TMCO5A: variants seen among roughly 807,000 people sequenced by gnomAD.
TMCO5A encodes transmembrane and coiled-coil domain-containing protein 5A.
TMCO5A carries 34 observed loss-of-function variants against 42.3 expected under a neutral mutation model. The ratio of observed to expected loss-of-function variants is 0.80; its 90% CI spans 0.61 to 1.07. The LOEUF (loss-of-function observed/expected upper bound fraction) is 1.07, where lower values mean the gene tolerates loss of function less well. Among genes scored for constraint, TMCO5A ranks in the 50% least tolerant of loss-of-function variants. The pLI, the probability that TMCO5A is intolerant of heterozygous loss-of-function variation, is 0.00. For missense variants in TMCO5A, 357 were observed against 327.9 expected (o/e 1.09, Z -0.69); for synonymous variants, 131 against 115.6 (o/e 1.13, Z -0.86).
chr15:38,032,646 G>A, the TMCO5A span, among the ~76,000 whole-genome samples: 1 of 152,090 alleles, frequency 6.6e-6, no homozygotes, highest in Non-Finnish European at 1.5e-5. Flanking sequence ...TGTCCCAGTG[G>A]GTAGCCAGGC....
chr15:38,038,835 G>A, the TMCO5A span, among the ~76,000 whole-genome samples: 1 of 152,164 alleles, frequency 6.6e-6, no homozygotes, highest in East Asian at 1.9e-4. Flanking sequence ...AGGTGAGTCT[G>A]GTAATAGTTA....
At chr15:37,967,327 A>C (rs1890580526) in exon 12 of TMCO5A, 1 of 152,182 alleles carries the variant, frequency 6.6e-6, no homozygotes, top group African/African-American at 2.4e-5. Context: ...TTAGGTCTAA[A>C]AGTGTCTCAA....
the TMCO5A span, among the ~76,000 whole-genome samples, chr15:38,017,488 G>C: frequency 2.0e-5 from 3 of 152,146 alleles, no homozygotes; most frequent in African/African-American, 7.2e-5. Flanking sequence ...AGAAATGGCT[G>C]TGCCTTGTTC....
chr15:37,972,848 T>C, the TMCO5A span, among the ~76,000 whole-genome samples: 1 of 152,222 alleles, frequency 6.6e-6, no homozygotes, highest in East Asian at 1.9e-4. Flanking sequence ...CATGAAATCT[T>C]TGTGAGGACG....
the TMCO5A span, among the ~76,000 whole-genome samples, chr15:38,014,319 C>T: frequency 6.6e-6 from 1 of 152,044 alleles, no homozygotes; most frequent in Non-Finnish European, 1.5e-5. Flanking sequence ...AAAAGAATTT[C>T]AAAACCTCCC....
intron 11 of TMCO5A, among the ~76,000 whole-genome samples, chr15:37,950,732 A>C (rs1890127330): frequency 1.3e-5 from 2 of 152,188 alleles, no homozygotes. Context: ...TTATAAGCCA[A>C]TGAAACTGTT....
At chr15:38,000,267 A>G in the TMCO5A span, among the ~76,000 whole-genome samples, 1 of 152,098 alleles carries the variant, frequency 6.6e-6, no homozygotes, top group Admixed American at 6.5e-5. Context: ...TTTGTCTAAG[A>G]ATTTAACCAT....
At chr15:37,954,228 C>T (rs573012852), downstream of TMCO5A, among the ~76,000 whole-genome samples, 3 of 151,876 alleles carry the variant, frequency 2.0e-5, no homozygotes, top group East Asian at 1.9e-4. Context: ...AGATTTAACC[C>T]GAAGAAGACT....
chr15:37,976,991 C>T, the TMCO5A span, among the ~76,000 whole-genome samples: 1 of 151,956 alleles, frequency 6.6e-6, no homozygotes, highest in African/African-American at 2.4e-5. Context: ...AGGCTGGTCT[C>T]AAACTCCTAT....
the TMCO5A span, among the ~76,000 whole-genome samples, chr15:37,995,848 A>C: frequency 6.6e-6 from 1 of 151,878 alleles, no homozygotes; most frequent in Non-Finnish European, 1.5e-5. Flanking sequence ...TCCCCTCCAA[A>C]AAAAAAACAA....
the TMCO5A span, among the ~76,000 whole-genome samples, chr15:38,024,256 G>A: frequency 1.3e-5 from 2 of 152,178 alleles, no homozygotes; most frequent in African/African-American, 2.4e-5. Flanking sequence ...TGGTGCTGTC[G>A]TACCTGTTCT....
At chr15:38,039,535 C>T in the TMCO5A span, among the ~76,000 whole-genome samples, 1 of 152,148 alleles carries the variant, frequency 6.6e-6, no homozygotes, top group South Asian at 2.1e-4. Context: ...CTATATGAGT[C>T]AAGCAGACAG....
the TMCO5A span, among the ~76,000 whole-genome samples, chr15:38,024,078 T>C: frequency 6.6e-6 from 1 of 152,216 alleles, no homozygotes; most frequent in African/African-American, 2.4e-5. Context: ...CACATCCTAA[T>C]GTACAGCTTT....
chr15:38,033,186 C>T, the TMCO5A span, among the ~76,000 whole-genome samples: 1 of 151,996 alleles, frequency 6.6e-6, no homozygotes, highest in African/African-American at 2.4e-5. Context: ...CCTCGGCCTC[C>T]GAAATTTGGT....
chr15:37,966,275 A>G (rs1250135368), intron 11 of TMCO5A, among the ~76,000 whole-genome samples: 1 of 151,694 alleles, frequency 6.6e-6, no homozygotes, highest in African/African-American at 2.4e-5. Context: ...GGGAGGTGAG[A>G]ATGCTTAGTG....
chr15:38,033,625 T>C, the TMCO5A span, among the ~76,000 whole-genome samples: 21 of 150,464 alleles, frequency 1.4e-4, no homozygotes, highest in African/African-American at 4.8e-4. Context: ...TGTTTTGTTT[T>C]GTTTTGTTTT....
At chr15:37,984,241 T>C in the TMCO5A span, among the ~76,000 whole-genome samples, 1 of 152,120 alleles carries the variant, frequency 6.6e-6, no homozygotes, top group Non-Finnish European at 1.5e-5. Context: ...AAAGTGTGAA[T>C]GAGGGAGGAG....
intron 8 of TMCO5A, 40 bp from the exon 9 acceptor site, chr15:37,942,148 CCTT>C: frequency 6.3e-7 from 1 of 1,576,864 alleles, no homozygotes; most frequent in Non-Finnish European, 8.7e-7. Context: ...AAATTGTAAA[CCTT>C]CTAAGTAGTA....
the TMCO5A span, among the ~76,000 whole-genome samples, chr15:37,983,732 T>G: frequency 7.1e-6 from 1 of 140,952 alleles, no homozygotes; most frequent in Non-Finnish European, 1.5e-5. Context: ...TTTTTTTTTG[T>G]TTTTTTTTTG....
Sources: gnomAD v4.1 joint callset for allele counts (sites outside exome capture counted in the v4.1 genomes callset) on GRCh38, gnomAD v4.1.1 for gene constraint, MANE v1.5 for transcripts, NCBI Gene and HGNC (gene_info 2026-07-23, HGNC 2026-07-21) for gene names.